Variants in FBN1 observed in about 807,000 individuals in gnomAD.
FBN1 encodes the protein fibrillin-1.
Under a neutral mutation model 365.1 loss-of-function variants are expected in FBN1, and 29 were observed. That is an observed-to-expected ratio of 0.08 (90% CI 0.06 to 0.11). The LOEUF is 0.11. Ranked by LOEUF, FBN1 falls within the 10% of genes least tolerant of loss-of-function variation. The pLI is 1.00. For missense variants in FBN1, 2,476 were observed against 3,703.2 expected, an observed-to-expected ratio of 0.67 and a Z score of 8.60; for synonymous variants, 1,210 against 1,270.5, an observed-to-expected ratio of 0.95 and a Z score of 1.01.
At chr15:48,568,699 GCTAA>G (rs1266852977) in intron 6 of FBN1, among the ~76,000 whole-genome samples, 1 of 152,022 alleles carries the variant, frequency 6.6e-6, no homozygotes, top group African/African-American at 2.4e-5. Flanking sequence ...TCTGGTTACG[GCTAA>G]CTGATTTTCA....
At chr15:48,624,223 A>G (rs547870435) in intron 2 of FBN1, among the ~76,000 whole-genome samples, 1 of 152,340 alleles carries the variant, frequency 6.6e-6, no homozygotes, top group East Asian at 1.9e-4. Flanking sequence ...TTTAAAGTAC[A>G]TCATGTGTGC....
At chr15:48,495,350 A>C in intron 21 of FBN1, 90 bp from the exon 22 acceptor site, 1 of 1,594,956 alleles carries the variant, frequency 6.3e-7, no homozygotes, top group Non-Finnish European at 8.6e-7. Flanking sequence ...ATTTGAAACA[A>C]GGAATAATGA....
chr15:48,508,744 G>C (rs748572367), intron 14 of FBN1, 40 bp from the exon 15 acceptor site: 3 of 1,610,902 alleles, frequency 1.9e-6, no homozygotes, highest in Non-Finnish European at 2.5e-6. Flanking sequence ...GACCAGAAGA[G>C]TAAGCTTACG....
At position 48,596,286 on chromosome 15, in the gene FBN1, T is replaced by G; in HGVS notation, c.535A>C (p.Arg179=). Residue 179 remains arginine (R), a synonymous_variant, in exon 6 of 66, where the codon AGA becomes CGA. Transcript: ENST00000316623. ...AAATGATTTTAAAAACCATTACCTCTTTCACACTGGGGTCCAGTAAATCCG... is the reference window on the plus strand; with the variant it reads ...AAATGATTTTAAAAACCATTACCTCGTTCACACTGGGGTCCAGTAAATCCG... The part of the protein sequence containing the change: ...TYGFTGPQCE[R]DYRTGPCFTV... The G allele has an allele frequency of 6.2e-7, 1 of 1,613,864 alleles. No homozygotes were observed. Among genetic ancestry groups the G allele is most frequent in the Non-Finnish European group, 8.5e-7 (1 of 1,179,730 alleles).
At chr15:48,502,415 T>A (rs772430047) in intron 17 of FBN1, among the ~76,000 whole-genome samples, 4 of 152,208 alleles carry the variant, frequency 2.6e-5, no homozygotes, top group African/African-American at 9.6e-5. Context: ...TTTCCAACTG[T>A]TACTTTCAAA....
At chr15:48,503,760 C>G (rs577284235) in intron 17 of FBN1, 27 bp downstream of exon 17, 2 of 1,612,948 alleles carry the variant, frequency 1.2e-6, no homozygotes, top group South Asian at 2.2e-5. Context: ...GCTGGCAGTA[C>G]GAGGGCATCT....
At chr15:48,598,029 C>G (rs991556040) in intron 5 of FBN1, among the ~76,000 whole-genome samples, 2 of 152,226 alleles carry the variant, frequency 1.3e-5, no homozygotes. Context: ...GCCATCTCCA[C>G]AGCCATAGCC....
chr15:48,561,280 T>C (rs1191451758), intron 6 of FBN1, among the ~76,000 whole-genome samples: 1 of 152,346 alleles, frequency 6.6e-6, no homozygotes, highest in African/African-American at 2.4e-5. Context: ...GACACCTAGA[T>C]TCTAGAGTAT....
At chr15:48,595,437 G>A (rs929012864) in intron 6 of FBN1, among the ~76,000 whole-genome samples, 1 of 151,952 alleles carries the variant, frequency 6.6e-6, no homozygotes, top group African/African-American at 2.4e-5. Flanking sequence ...ATAAAACTAG[G>A]GATGATGAGA....
chr15:48,639,016 G>T (rs1482496575), intron 2 of FBN1, among the ~76,000 whole-genome samples: 1 of 152,124 alleles, frequency 6.6e-6, no homozygotes, highest in Non-Finnish European at 1.5e-5. Flanking sequence ...TAATGTCTTT[G>T]CAGAAAGTTT....
At chr15:48,502,300 C>T (rs1012501966) in intron 17 of FBN1, among the ~76,000 whole-genome samples, 1 of 152,344 alleles carries the variant, frequency 6.6e-6, no homozygotes, top group African/African-American at 2.4e-5. Flanking sequence ...CCTGCCTTGG[C>T]CTCCCATAGT....
chr15:48,585,487 T>G (rs2044428889), intron 6 of FBN1, among the ~76,000 whole-genome samples: 1 of 152,230 alleles, frequency 6.6e-6, no homozygotes, highest in African/African-American at 2.4e-5. Flanking sequence ...ACACATAGAT[T>G]TATAAATATT....
At chr15:48,498,963 A>C in intron 18 of FBN1, 22 bp downstream of exon 18, 1 of 1,612,928 alleles carries the variant, frequency 6.2e-7, no homozygotes, top group Non-Finnish European at 8.5e-7. Context: ...TGAAGGTAGT[A>C]AATTTTGAAA....
intron 6 of FBN1, among the ~76,000 whole-genome samples, chr15:48,571,076 C>T (rs2044302526): frequency 6.6e-6 from 1 of 152,156 alleles, no homozygotes; most frequent in Admixed American, 6.5e-5. Context: ...GGGCAATGCA[C>T]GTTCAGGGAC....
intron 25 of FBN1, among the ~76,000 whole-genome samples, chr15:48,489,276 T>A (rs1052464603): frequency 6.9e-6 from 1 of 144,002 alleles, no homozygotes. Context: ...CTTGAACTCC[T>A]GGACTCAAGT....
At chr15:48,545,465 T>A (rs1435814473) in intron 6 of FBN1, among the ~76,000 whole-genome samples, 1 of 152,130 alleles carries the variant, frequency 6.6e-6, no homozygotes, top group Admixed American at 6.5e-5. Context: ...AAAAATAAAT[T>A]GATATAAAAT....
At chr15:48,498,336 C>A (rs147479835) in intron 18 of FBN1, among the ~76,000 whole-genome samples, 1 of 152,274 alleles carries the variant, frequency 6.6e-6, no homozygotes, top group African/African-American at 2.4e-5. Flanking sequence ...AATGAACTGA[C>A]AATCAATTCA....
chr15:48,642,011 T>C (rs566705857), intron 2 of FBN1: 9 of 152,102 alleles, frequency 5.9e-5, no homozygotes, highest in East Asian at 1.9e-4. Flanking sequence ...CAGAAGAAAG[T>C]TGGTAATAGC....
chr15:48,620,753 G>A (rs1429094975), intron 2 of FBN1, among the ~76,000 whole-genome samples: 2 of 152,108 alleles, frequency 1.3e-5, no homozygotes, highest in African/African-American at 2.4e-5. Context: ...CCTATTATGT[G>A]CTAGGCACTG....
Sources: allele counts gnomAD v4.1 joint callset (sites outside exome capture counted in the v4.1 genomes callset), GRCh38; gene constraint gnomAD v4.1.1; transcripts MANE v1.5; gene names NCBI Gene and HGNC (gene_info 2026-07-23, HGNC 2026-07-21).